The following TMEM117 variants were observed in gnomAD, a reference collection of about 807,000 sequenced individuals.
TMEM117 encodes the protein transmembrane protein 117.
A neutral mutation model predicts 52.4 loss-of-function variants in TMEM117; 27 were observed. The ratio of observed to expected loss-of-function variants is 0.51; its 90% CI spans 0.38 to 0.71. The LOEUF (loss-of-function observed/expected upper bound fraction) is 0.71, where lower values mean the gene tolerates loss of function less well. TMEM117 is among the 30% of genes least tolerant of loss of function. The pLI, the probability that TMEM117 is intolerant of heterozygous loss-of-function variation, is 0.00. For missense variants in TMEM117, 556 were observed against 630.5 expected, an observed-to-expected ratio of 0.88 and a Z score of 1.26; for synonymous variants, 215 against 206.3, an observed-to-expected ratio of 1.04 and a Z score of -0.36.
At chr12:43,898,466 A>AG (rs1283210961) in intron 2 of TMEM117, among the ~76,000 whole-genome samples, 1 of 151,838 alleles carries the variant, frequency 6.6e-6, no homozygotes, top group East Asian at 1.9e-4. Context: ...TATTAAGAAT[A>AG]GGTTAATAAT....
chr12:44,227,285 C>G (rs1333129100), intron 5 of TMEM117, among the ~76,000 whole-genome samples: 1 of 152,082 alleles, frequency 6.6e-6, no homozygotes, highest in Non-Finnish European at 1.5e-5. Context: ...CCAGCCTGGA[C>G]AACATGGCAA....
In TMEM117 at chr12:44,388,706, C is replaced by A; in HGVS notation, c.*34C>A. 1 of 1,593,648 alleles carries A rather than the reference C, an allele frequency of 6.3e-7. No individual in the cohort carries two copies. Among genetic ancestry groups the A allele is most frequent in the Non-Finnish European group, 8.5e-7 (1 of 1,170,694 alleles). ...ATAGACTTGGAGATAACACAAAAAG[C>A]AACCTTGAGTGTAACTTTAAAAATT... On this transcript the variant is annotated 3_prime_UTR_variant, in exon 8 of 8. Coordinates refer to ENST00000266534, the MANE Select transcript of TMEM117 (RefSeq NM_032256.3).
At chr12:44,174,085 ACT>A (rs1456203413) in intron 4 of TMEM117, among the ~76,000 whole-genome samples, 1 of 152,100 alleles carries the variant, frequency 6.6e-6, no homozygotes, top group Non-Finnish European at 1.5e-5. Flanking sequence ...TATTAATTTA[ACT>A]CTCTGTGTAA....
At chr12:44,197,394 C>T (rs761431468) in intron 4 of TMEM117, among the ~76,000 whole-genome samples, 4 of 152,036 alleles carry the variant, frequency 2.6e-5, no homozygotes, top group African/African-American at 4.8e-5. Flanking sequence ...AAAGCAGAGA[C>T]GGTATGCATC....
At chr12:44,299,430 G>T in intron 5 of TMEM117, 150 bp from the exon 6 acceptor site, 1 of 1,025,438 alleles carries the variant, frequency 9.8e-7, no homozygotes. Flanking sequence ...ACCATGCCCG[G>T]CCAACTTTTT....
chr12:44,290,027 C>T (rs1171928202), intron 5 of TMEM117, among the ~76,000 whole-genome samples: 1 of 152,150 alleles, frequency 6.6e-6, no homozygotes, highest in African/African-American at 2.4e-5. Context: ...TGTTTATTCA[C>T]ACCCCTTGCC....
At chr12:44,330,786 G>A (rs182260189) in intron 6 of TMEM117, among the ~76,000 whole-genome samples, 41 of 151,988 alleles carry the variant, frequency 2.7e-4, no homozygotes, top group African/African-American at 9.6e-4. Flanking sequence ...TGTGCATGGA[G>A]GTAACGTTTC....
At chr12:44,154,587 G>A (rs543544689) in intron 4 of TMEM117, among the ~76,000 whole-genome samples, 4 of 151,636 alleles carry the variant, frequency 2.6e-5, no homozygotes, top group African/African-American at 9.7e-5. Context: ...TTTTTCTTAT[G>A]TTGTAATTAT....
intron 4 of TMEM117, among the ~76,000 whole-genome samples, chr12:44,148,453 T>A (rs1948676267): frequency 6.6e-6 from 1 of 152,170 alleles, no homozygotes; most frequent in African/African-American, 2.4e-5. Flanking sequence ...ATGTGTTGAT[T>A]TTAGAAAAAA....
chr12:44,302,833 A>T (rs1950857967), intron 6 of TMEM117, among the ~76,000 whole-genome samples: 1 of 152,226 alleles, frequency 6.6e-6, no homozygotes. Context: ...TTGAAAATAT[A>T]TAAGACAAAT....
chr12:43,902,269 A>T (rs1242928292), intron 2 of TMEM117, among the ~76,000 whole-genome samples: 1 of 152,200 alleles, frequency 6.6e-6, no homozygotes, highest in Non-Finnish European at 1.5e-5. Context: ...TATTTCAGGA[A>T]GATACTTTAT....
intron 3 of TMEM117, among the ~76,000 whole-genome samples, chr12:44,034,651 T>A (rs1414154616): frequency 6.6e-6 from 1 of 152,166 alleles, no homozygotes; most frequent in African/African-American, 2.4e-5. Flanking sequence ...AAATTAAAAT[T>A]TGAGAAAATG....
chr12:44,160,044 T>C (rs952939923), intron 4 of TMEM117, among the ~76,000 whole-genome samples: 2 of 152,070 alleles, frequency 1.3e-5, no homozygotes, highest in Non-Finnish European at 2.9e-5. Flanking sequence ...AAGTGGCAGA[T>C]TGTAAATTAG....
At chr12:44,351,071 A>T (rs1951555831) in intron 6 of TMEM117, among the ~76,000 whole-genome samples, 1 of 152,058 alleles carries the variant, frequency 6.6e-6, no homozygotes, top group South Asian at 2.1e-4. Context: ...AACTGGAGTG[A>T]GATAATATCT....
At chr12:43,864,004 C>G (rs1315973798) in intron 2 of TMEM117, among the ~76,000 whole-genome samples, 1 of 152,216 alleles carries the variant, frequency 6.6e-6, no homozygotes, top group Non-Finnish European at 1.5e-5. Context: ...TGCCGGCCAG[C>G]CAGCCCTGGA....
chr12:43,815,475 G>C, the TMEM117 span, among the ~76,000 whole-genome samples: 1 of 152,196 alleles, frequency 6.6e-6, no homozygotes, highest in Non-Finnish European at 1.5e-5. Context: ...AGAGTGAATT[G>C]CTGAAGACAC....
chr12:44,379,831 T>C (rs1197616171), intron 7 of TMEM117, among the ~76,000 whole-genome samples: 1 of 152,178 alleles, frequency 6.6e-6, no homozygotes, highest in Non-Finnish European at 1.5e-5. Context: ...ACTTCAGTGC[T>C]TTTCTTGATA....
chr12:44,088,356 T>C (rs1035514806), intron 3 of TMEM117, among the ~76,000 whole-genome samples: 3 of 152,196 alleles, frequency 2.0e-5, no homozygotes, highest in Admixed American at 2.0e-4. Context: ...GACAGTATTA[T>C]ATAAGTTTAC....
At chr12:43,998,473 A>G (rs941083276) in intron 3 of TMEM117, among the ~76,000 whole-genome samples, 3 of 152,200 alleles carry the variant, frequency 2.0e-5, no homozygotes, top group African/African-American at 7.2e-5. Flanking sequence ...GACCATTGAT[A>G]TTAAAGTGAC....
Sources: allele counts gnomAD v4.1 joint callset (sites outside exome capture counted in the v4.1 genomes callset), GRCh38; gene constraint gnomAD v4.1.1; transcripts MANE v1.5; gene names NCBI Gene and HGNC (gene_info 2026-07-23, HGNC 2026-07-21).